Variants in SEMA5B observed in about 807,000 individuals in gnomAD.
SEMA5B encodes the protein semaphorin-5B.
A neutral mutation model predicts 135.0 loss-of-function variants in SEMA5B; 66 were observed. The observed-to-expected ratio is 0.49, with a 90% confidence interval of 0.40 to 0.60. The LOEUF is 0.60. Among genes scored for constraint, SEMA5B ranks in the 20% least tolerant of loss-of-function variants. The probability of loss-of-function intolerance (pLI) is 0.00; values close to 1 mark genes in which losing one functional copy is unlikely to be tolerated. For synonymous variants in SEMA5B, 690 were observed against 639.5 expected (o/e 1.08, Z -1.19); for missense variants, 1,501 against 1,566.3 (o/e 0.96, Z 0.70).
At chr3:122,986,477 C>A (rs573260259) in intron 1 of SEMA5B, among the ~76,000 whole-genome samples, 50 of 152,298 alleles carry the variant, frequency 3.3e-4, no homozygotes, top group Admixed American at 1.2e-3. Flanking sequence ...CAAATGATCT[C>A]TTTTCCCTGT....
At chr3:122,940,031 C>T (rs1410042627) in intron 4 of SEMA5B, among the ~76,000 whole-genome samples, 2 of 152,146 alleles carry the variant, frequency 1.3e-5, no homozygotes, top group Non-Finnish European at 2.9e-5. Context: ...GACTCCAGGT[C>T]TGACCTTTCT....
At chr3:122,973,799 G>C (rs541691855) in intron 1 of SEMA5B, among the ~76,000 whole-genome samples, 22 of 152,224 alleles carry the variant, frequency 1.4e-4, no homozygotes, top group Non-Finnish European at 2.9e-4. Flanking sequence ...GAGGGGCAGA[G>C]GTATGGGAGT....
At chr3:122,983,279 T>A (rs1941584563) in intron 1 of SEMA5B, among the ~76,000 whole-genome samples, 1 of 151,914 alleles carries the variant, frequency 6.6e-6, no homozygotes, top group African/African-American at 2.4e-5. Flanking sequence ...GGGGGTTTTG[T>A]TTCATTTTTT....
At chr3:122,936,366 G>C (rs1013025904) in intron 5 of SEMA5B, among the ~76,000 whole-genome samples, 3 of 152,184 alleles carry the variant, frequency 2.0e-5, no homozygotes, top group African/African-American at 7.2e-5. Context: ...CTGCTCTGTG[G>C]AGTTTCAACT....
intron 1 of SEMA5B, among the ~76,000 whole-genome samples, chr3:122,974,013 C>T (rs1013268407): frequency 2.6e-5 from 4 of 152,198 alleles, no homozygotes; most frequent in Non-Finnish European, 5.9e-5. Flanking sequence ...AGCAGGCTGC[C>T]GTTCCCCGAA....
chr3:122,961,087 C>T (rs1315806318), intron 2 of SEMA5B, 53 bp downstream of exon 2: 1 of 1,526,754 alleles, frequency 6.5e-7, no homozygotes. Context: ...TCCCTGCTCT[C>T]CCCTCAGTCT....
At chr3:122,971,536 G>A (rs6803554) in intron 1 of SEMA5B, among the ~76,000 whole-genome samples, 32,781 of 152,264 alleles carry the variant, frequency 0.22, 3,648 homozygotes, top group Middle Eastern at 0.27. Flanking sequence ...CCATCATGGG[G>A]CATGAAGCAA....
chr3:122,930,214 C>T (rs1170843171), intron 5 of SEMA5B, among the ~76,000 whole-genome samples: 1 of 152,232 alleles, frequency 6.6e-6, no homozygotes, highest in African/African-American at 2.4e-5. Context: ...GCAGACCTCT[C>T]TCTGCTTTCC....
Position 122,913,578 on chromosome 3 carries a change from G to A in SEMA5B, c.2236C>T (p.Arg746Cys), listed in dbSNP as rs1197935883. The change falls in exon 16 of 23, where the codon CGT (arginine) becomes TGT (cysteine). Residue 746 changes from arginine (R) to cysteine (C), a missense_variant. Physicochemically the swap from Arg to Cys is radical, Grantham distance 180. Transcript: ENST00000357599. ...SNCGGGMQSRRRACENGNSCL... is the reference protein window; with the variant it reads ...SNCGGGMQSRCRACENGNSCL... ...GAGTTGCCGTTCTCGCAGGCCCGACGCCGCGACTGCATGCCCCCTCCACAG... is the reference window on the plus strand; with the variant it reads ...GAGTTGCCGTTCTCGCAGGCCCGACACCGCGACTGCATGCCCCCTCCACAG... 6.2e-7 allele frequency: 1 copy of A among 1,613,032 alleles called. No individual in the cohort carries two copies. The highest frequency in any genetic ancestry group is 2.2e-5 in the East Asian group (1 of 44,854).
chr3:122,974,466 C>T (rs1339600748), intron 1 of SEMA5B, among the ~76,000 whole-genome samples: 1 of 152,264 alleles, frequency 6.6e-6, no homozygotes. Flanking sequence ...GATGCAGCCT[C>T]ACTGCTGCCC....
intron 1 of SEMA5B, among the ~76,000 whole-genome samples, chr3:122,978,258 G>A (rs941869154): frequency 4.6e-5 from 7 of 152,234 alleles, no homozygotes; most frequent in African/African-American, 1.2e-4. Flanking sequence ...GGACGTGCTC[G>A]GCCTCTCATG....
At chr3:122,938,518 T>C (rs1939408344) in intron 5 of SEMA5B, among the ~76,000 whole-genome samples, 1 of 152,176 alleles carries the variant, frequency 6.6e-6, no homozygotes, top group South Asian at 2.1e-4. Context: ...GTCTCCCTTG[T>C]GGCAGTGAAA....
At chr3:123,025,917 G>A (rs1942786470) in intron 1 of SEMA5B, among the ~76,000 whole-genome samples, 1 of 152,126 alleles carries the variant, frequency 6.6e-6, no homozygotes, top group Non-Finnish European at 1.5e-5. Flanking sequence ...CCGTAATCTT[G>A]AGGTCCAGTT....
chr3:122,970,371 A>G (rs1234543843), intron 1 of SEMA5B, among the ~76,000 whole-genome samples: 3 of 152,212 alleles, frequency 2.0e-5, no homozygotes, highest in African/African-American at 7.2e-5. Flanking sequence ...AGGGCTTGTT[A>G]CAACCGATTG....
chr3:122,952,597 G>A (rs913075569), intron 2 of SEMA5B, among the ~76,000 whole-genome samples: 4 of 152,218 alleles, frequency 2.6e-5, no homozygotes, highest in Non-Finnish European at 5.9e-5. Context: ...CTGAGTGATC[G>A]ACTAGCATGA....
chr3:122,975,888 C>T, intron 1 of SEMA5B: 1 of 1,396,352 alleles, frequency 7.2e-7, no homozygotes. Flanking sequence ...AGCAAGGACT[C>T]TCCATCTGCC....
At chr3:122,941,515 A>C (rs951001356) in intron 4 of SEMA5B, among the ~76,000 whole-genome samples, 14 of 152,252 alleles carry the variant, frequency 9.2e-5, no homozygotes, top group Non-Finnish European at 2.1e-4. Flanking sequence ...ACTTGTGAAG[A>C]TTCAATGATT....
rs1939895206 is a variant in SEMA5B at position 122,948,528 on chromosome 3, C to T, written c.306G>A (p.Lys102=). Residue 102 remains lysine, a synonymous_variant, in exon 3 of 23, where the codon AAG becomes AAA. Coordinates refer to ENST00000357599, the MANE Select transcript of SEMA5B (RefSeq NM_001031702.4). ...SSEQQLCALS[K]HPTVAFEDLQ... is the part of the protein sequence containing the mutation. ...TACCTTCAAAGGCCACGGTGGGGTG[C>T]TTGCTAAGGGCGCACAGCTGCTGCT... is the stretch of plus-strand genomic sequence containing the variant. 1.2e-6 allele frequency: 2 copies of T among 1,605,734 alleles called. No homozygotes were observed. Among genetic ancestry groups the T allele is most frequent in the South Asian group, 2.2e-5 (2 of 90,556 alleles).
In SEMA5B at chr3:122,911,851, A is replaced by G. The variant is rs539982134; in HGVS notation, c.3046+69T>C. On this transcript the variant is annotated intron_variant, in intron 20 of 22. Coordinates refer to ENST00000357599, the MANE Select transcript of SEMA5B (RefSeq NM_001031702.4). ...TGCTCCCCACCAGGACACAAGCTTC[A>G]GAAGGAGAAGGAAGTTGGGAGTGCA... The G allele has an allele frequency of 1.5e-5, 22 of 1,497,554 alleles. No individual in the cohort carries two copies. In the Admixed American group the frequency reaches 4.5e-4, roughly 31 times the overall value. The allele number at this position is 1,497,554 out of a possible 1,614,324, so 92.8% of individuals were successfully genotyped here.
Sources: gnomAD v4.1 joint callset for allele counts (sites outside exome capture counted in the v4.1 genomes callset) on GRCh38, gnomAD v4.1.1 for gene constraint, MANE v1.5 for transcripts, NCBI Gene and HGNC (gene_info 2026-07-23, HGNC 2026-07-21) for gene names.